RIN3: variants seen among roughly 807,000 people sequenced by gnomAD.
RIN3 encodes Ras and Rab interactor 3, also known as RAB5 interacting protein 3.
RIN3 carries 54 observed loss-of-function variants against 76.3 expected under a neutral mutation model. The observed-to-expected ratio is 0.71, with a 90% CI of 0.57 to 0.89. RIN3 has a LOEUF of 0.89. Ranked by LOEUF, RIN3 falls within the 40% of genes least tolerant of loss-of-function variation. The pLI is 0.00. For missense variants in RIN3, 1,256 were observed against 1,322.1 expected, an observed-to-expected ratio of 0.95 and a Z score of 0.78; for synonymous variants, 576 against 564.0, an observed-to-expected ratio of 1.02 and a Z score of -0.30.
chr14:92,680,200 C>CTTTTTTTT (rs34005662), intron 8 of RIN3, among the ~76,000 whole-genome samples: 73 of 134,286 alleles, frequency 5.4e-4, no homozygotes, highest in African/African-American at 1.9e-3. Context: ...CTCTCTGGCA[C>CTTTTTTTT]TTTTTTTTTT....
chr14:92,633,175 C>T (rs542849296), intron 4 of RIN3, among the ~76,000 whole-genome samples: 3 of 152,224 alleles, frequency 2.0e-5, no homozygotes, highest in South Asian at 2.1e-4. Context: ...GTGGAGATGC[C>T]GGGGTTTCCA....
At chr14:92,636,445 G>A (rs1398759020) in intron 4 of RIN3, among the ~76,000 whole-genome samples, 5 of 152,068 alleles carry the variant, frequency 3.3e-5, no homozygotes, top group African/African-American at 7.2e-5. Flanking sequence ...TTAGCCAGGC[G>A]TGGTGGCACA....
At chr14:92,616,189 C>T (rs572753092) in intron 4 of RIN3, among the ~76,000 whole-genome samples, 1 of 152,220 alleles carries the variant, frequency 6.6e-6, no homozygotes, top group South Asian at 2.1e-4. Context: ...TGGAGGGTGT[C>T]CGGGTTCTTG....
rs1450695987 is a variant in RIN3, at chr14:92,688,103, G to T, written c.2809G>T (p.Asp937Tyr). ...VDGRCFQLAD[D>Y]ALPHCIKGYL... ...CGGGCGCTGCTTCCAGCTGGCGGAC[G>T]ACGCGCTGCCGCACTGCATCAAGGG... Residue 937 changes from aspartate (D) to tyrosine (Y), a missense_variant, in exon 10 of 10, where the codon GAC becomes TAC. Asp to Tyr is a radical substitution (Grantham distance 160, BLOSUM62 -3). Around this residue, in one of 3 missense-constraint regions of RIN3, gnomAD observed 218 missense variants for 174.5 expected, o/e 1.25. Transcript: ENST00000216487. The T allele has an allele frequency of 3.6e-5, 58 of 1,607,594 alleles. No individual in the cohort carries two copies. Among genetic ancestry groups the T allele is most frequent in the Non-Finnish European group, 4.8e-5 (57 of 1,177,890 alleles).
intron 1 of RIN3, among the ~76,000 whole-genome samples, chr14:92,537,005 A>T (rs868614896): frequency 4.0e-5 from 6 of 151,024 alleles, no homozygotes; most frequent in African/African-American, 1.2e-4. Flanking sequence ...AGGATTTAAA[A>T]ATATATATAT....
chr14:92,532,116 A>G lies in RIN3; in HGVS notation c.44+18140A>G, dbSNP rs568279084. On this transcript the variant is annotated intron_variant, in intron 1 of 9. Coordinates refer to ENST00000216487, the MANE Select transcript of RIN3 (RefSeq NM_024832.5). ...GCTCATTTTTGTATTTTTAGTAGAG[A>G]TGAGGTTTCACCATGTTGGCCGGGC... Among the ~76,000 whole-genome samples the G allele has an allele frequency of 3.3e-5, 5 of 152,090 alleles. No homozygotes were observed. The South Asian group carries it at 1.0e-3, about 32-fold the overall frequency.
intron 3 of RIN3, among the ~76,000 whole-genome samples, chr14:92,611,248 G>A (rs1433680017): frequency 6.6e-6 from 1 of 152,092 alleles, no homozygotes; most frequent in Non-Finnish European, 1.5e-5. Context: ...AGCTTCCCAT[G>A]GCATTCCCTT....
intron 1 of RIN3, among the ~76,000 whole-genome samples, chr14:92,541,822 ACCCT>A (rs1281335778): frequency 6.6e-6 from 1 of 152,224 alleles, no homozygotes; most frequent in African/African-American, 2.4e-5. Context: ...TTCAAAGGAC[ACCCT>A]CAAGAAAGTA....
intron 1 of RIN3, chr14:92,515,217 CAAAT>C: frequency 1.4e-6 from 1 of 699,288 alleles, no homozygotes. Context: ...TCTGCAAAGA[CAAAT>C]ACCATCCGGT....
intron 2 of RIN3, among the ~76,000 whole-genome samples, chr14:92,566,828 C>A (rs571345059): frequency 8.4e-4 from 128 of 152,314 alleles, no homozygotes; most frequent in Non-Finnish European, 1.6e-3. Context: ...ATGCCCATCC[C>A]CTTTCCCGTC....
At chr14:92,631,878 C>T (rs1026852591) in intron 4 of RIN3, among the ~76,000 whole-genome samples, 3 of 152,082 alleles carry the variant, frequency 2.0e-5, no homozygotes, top group African/African-American at 7.2e-5. Flanking sequence ...TAGGAATCTG[C>T]GTTTATAATA....
intron 3 of RIN3, among the ~76,000 whole-genome samples, chr14:92,598,762 G>A (rs1595445069): frequency 6.6e-6 from 1 of 152,254 alleles, no homozygotes; most frequent in African/African-American, 2.4e-5. Flanking sequence ...TACAGAAATA[G>A]CAGTTAAGGC....
intron 2 of RIN3, among the ~76,000 whole-genome samples, chr14:92,565,063 C>T (rs943668): frequency 0.13 from 19,473 of 152,176 alleles, 1,759 homozygotes; most frequent in East Asian, 0.43. Context: ...AAGGTGGCCC[C>T]GGCACTGGCA....
intron 1 of RIN3, among the ~76,000 whole-genome samples, chr14:92,544,759 T>A (rs966683205): frequency 2.0e-5 from 3 of 152,132 alleles, no homozygotes; most frequent in Non-Finnish European, 4.4e-5. Context: ...GAGAACAACA[T>A]TGCAATGCCC....
chr14:92,547,735 G>A (rs145024011), intron 1 of RIN3, among the ~76,000 whole-genome samples: 125 of 151,780 alleles, frequency 8.2e-4, no homozygotes, highest in Non-Finnish European at 1.4e-3. Context: ...ACAGAGTCTC[G>A]CTGTGTCACC....
At chr14:92,594,640 C>T (rs1484385048) in intron 3 of RIN3, among the ~76,000 whole-genome samples, 2 of 152,104 alleles carry the variant, frequency 1.3e-5, no homozygotes, top group Admixed American at 6.5e-5. Flanking sequence ...CACAACTTAC[C>T]GAGCTTTGTA....
intron 7 of RIN3, among the ~76,000 whole-genome samples, chr14:92,669,272 A>C (rs761660199): frequency 6.6e-6 from 1 of 152,210 alleles, no homozygotes; most frequent in African/African-American, 2.4e-5. Context: ...GAAATGCAAA[A>C]TATATCCTCC....
intron 8 of RIN3, among the ~76,000 whole-genome samples, chr14:92,683,089 C>T (rs2140176700): frequency 6.6e-6 from 1 of 152,170 alleles, no homozygotes; most frequent in East Asian, 1.9e-4. Flanking sequence ...ATAGCTTGAA[C>T]CTGGGAGGCG....
At chr14:92,651,358 A>G (rs1887411035) in intron 5 of RIN3, among the ~76,000 whole-genome samples, 1 of 152,040 alleles carries the variant, frequency 6.6e-6, no homozygotes, top group South Asian at 2.1e-4. Context: ...GCCTCACCCT[A>G]CACTGCTGGG....
Sources: allele counts gnomAD v4.1 joint callset (sites outside exome capture counted in the v4.1 genomes callset), GRCh38; gene constraint gnomAD v4.1.1; regional missense constraint gnomAD v4.1.1; transcripts MANE v1.5; gene names NCBI Gene and HGNC (gene_info 2026-07-23, HGNC 2026-07-21).